The following PTPRN2 variants were observed in gnomAD, a reference collection of about 807,000 sequenced individuals.
PTPRN2 encodes the protein protein tyrosine phosphatase receptor type N2.
Under a neutral mutation model 118.8 loss-of-function variants are expected in PTPRN2, and 74 were observed. The observed-to-expected ratio is 0.62, with a 90% confidence interval of 0.52 to 0.76. The LOEUF (loss-of-function observed/expected upper bound fraction) is 0.76, where lower values mean the gene tolerates loss of function less well. PTPRN2 is among the 30% of genes least tolerant of loss of function. PTPRN2 has a pLI of 0.00. For missense variants in PTPRN2, 1,481 were observed against 1,394.4 expected, an observed-to-expected ratio of 1.06 and a Z score of -0.99; for synonymous variants, 641 against 608.0, an observed-to-expected ratio of 1.05 and a Z score of -0.80.
rs1804945521 is a variant in PTPRN2, at chr7:157,644,816, C to CA, written c.2196+11540dup. Among the ~76,000 whole-genome samples the CA allele has an allele frequency of 1.0e-4, 6 of 58,594 alleles. No individual in the cohort carries two copies. The East Asian group carries it at 2.2e-3, about 22-fold the overall frequency. 38.4% of individuals were successfully genotyped at this position (58,594 alleles called of 152,430 possible). A position where few individuals can be genotyped will look rare whatever the true frequency, so the allele number is the denominator to read the frequency against. On this transcript the variant is annotated intron_variant, in intron 14 of 22. Transcript: ENST00000389418. ...ATCTCAAAAAACAAAAAAAAAAAAA[C>CA]AAAAAACAAAAGAAAACAAAACAAA...
At chr7:157,716,092 C>T (rs573871444) in intron 12 of PTPRN2, among the ~76,000 whole-genome samples, 14 of 152,376 alleles carry the variant, frequency 9.2e-5, no homozygotes, top group South Asian at 6.2e-4. Context: ...CATCAGCTCC[C>T]GGGCCATCCC....
chr7:157,722,423 G>A (rs78023325), intron 12 of PTPRN2, among the ~76,000 whole-genome samples: 5 of 152,214 alleles, frequency 3.3e-5, no homozygotes, highest in Non-Finnish European at 5.9e-5. Context: ...AGGGGCTCTC[G>A]AGGCAGAACC....
chr7:157,983,843 G>A (rs547801423), intron 11 of PTPRN2, among the ~76,000 whole-genome samples: 1 of 152,358 alleles, frequency 6.6e-6, no homozygotes, highest in South Asian at 2.1e-4. Flanking sequence ...CTCAAAAGCT[G>A]TGGGTCTGGC....
chr7:157,934,595 T>G (rs1212173793), intron 11 of PTPRN2, among the ~76,000 whole-genome samples: 1 of 152,222 alleles, frequency 6.6e-6, no homozygotes, highest in Non-Finnish European at 1.5e-5. Context: ...GAATCACATT[T>G]GTTTAATTTC....
At chr7:158,165,303 G>A (rs144192831) in intron 6 of PTPRN2, among the ~76,000 whole-genome samples, 9 of 152,318 alleles carry the variant, frequency 5.9e-5, no homozygotes, top group African/African-American at 9.6e-5. Flanking sequence ...AGGAGACGTC[G>A]TCCCAGAGGG....
At chr7:157,825,700 A>G (rs1807127323) in intron 12 of PTPRN2, among the ~76,000 whole-genome samples, 1 of 152,190 alleles carries the variant, frequency 6.6e-6, no homozygotes, top group African/African-American at 2.4e-5. Context: ...TCACACAGGT[A>G]TCTCTCTCGA....
In PTPRN2 at chr7:158,313,262, C is replaced by T. The variant is rs1029009726; in HGVS notation, c.277+3557G>A. Among the ~76,000 whole-genome samples the T allele has an allele frequency of 5.3e-5, 8 of 152,290 alleles. 1 individual carries two copies. The highest frequency in any genetic ancestry group is 2.0e-4 in the Admixed American group (3 of 15,306). Reference sequence around the variant, plus strand: ...CCAAAGAGGCCTCCTGCCACAGGGTCGTCCTCCTGCCACGGGGTCATCCCC... The same window carrying T: ...CCAAAGAGGCCTCCTGCCACAGGGTTGTCCTCCTGCCACGGGGTCATCCCC... On this transcript the variant is annotated intron_variant, in intron 3 of 22. Transcript: ENST00000389418.
At chr7:158,270,783 A>ACCCCTCCACCTGGACCGC in intron 3 of PTPRN2, among the ~76,000 whole-genome samples, 1 of 51,272 alleles carries the variant, frequency 2.0e-5, no homozygotes, top group East Asian at 5.1e-4. Flanking sequence ...CACCTGGACC[A>ACCCCTCCACCTGGACCGC]CCCCTCCACC....
chr7:157,980,113 C>T (rs1406282928), intron 11 of PTPRN2, among the ~76,000 whole-genome samples: 1 of 152,164 alleles, frequency 6.6e-6, no homozygotes, highest in Non-Finnish European at 1.5e-5. Context: ...ATTTTGATGA[C>T]TTGGTAAAAA....
chr7:157,726,031 T>C lies in PTPRN2; in HGVS notation c.1789-43094A>G, dbSNP rs28810701. 1.5e-3 allele frequency among the ~76,000 whole-genome samples: 106 copies of C among 68,628 alleles called. 1 individual carries two copies. Among genetic ancestry groups the C allele is most frequent in the African/African-American group, 4.1e-3 (51 of 12,552 alleles). 45.0% of individuals were successfully genotyped at this position (68,628 alleles called of 152,430 possible). On this transcript the variant is annotated intron_variant, in intron 12 of 22. Coordinates refer to ENST00000389418, the MANE Select transcript of PTPRN2 (RefSeq NM_002847.5). ...CTGGATATCCACACGCAGAGGAGTG[T>C]GGCCAGACCCTCGCCTCCCAGGAGA...
rs1195604637 is a variant in PTPRN2, at chr7:157,618,736, G to C, written c.2344+2626C>G. The C allele has an allele frequency of 6.6e-6, 1 of 152,254 alleles. No homozygotes were observed. 9.4% of individuals were successfully genotyped at this position (152,254 alleles called of 1,614,324 possible). ...ATGGAGAAGAAAGTAGGTAATACAA[G>C]TTTGCTCAGAATAAACCTATGTGTT... On this transcript the variant is annotated intron_variant, in intron 15 of 22. Coordinates refer to ENST00000389418, the MANE Select transcript of PTPRN2 (RefSeq NM_002847.5). The surrounding 1 kb of genome is among the most constrained non-coding windows in gnomAD (Gnocchi z 4.2).
chr7:158,547,147 CT>C (rs961408644), intron 1 of PTPRN2, among the ~76,000 whole-genome samples: 2 of 152,124 alleles, frequency 1.3e-5, no homozygotes, highest in Non-Finnish European at 1.5e-5. Flanking sequence ...TTTAACTAAA[CT>C]TTTTTTTAAC....
intron 12 of PTPRN2, among the ~76,000 whole-genome samples, chr7:157,702,611 G>A (rs1798135149): frequency 1.3e-5 from 2 of 152,252 alleles, no homozygotes; most frequent in South Asian, 4.1e-4. Flanking sequence ...CTCACCATCA[G>A]GCTTCCAGCA....
intron 12 of PTPRN2, among the ~76,000 whole-genome samples, chr7:157,745,331 C>G (rs1341202886): frequency 1.3e-5 from 2 of 151,990 alleles, no homozygotes; most frequent in Admixed American, 6.6e-5. Context: ...ACTCGTCCAC[C>G]CTCTCACTGT....
chr7:157,771,973 CAT>C (rs1802861810), intron 12 of PTPRN2, among the ~76,000 whole-genome samples: 1 of 151,762 alleles, frequency 6.6e-6, no homozygotes, highest in Admixed American at 6.6e-5. Flanking sequence ...GACACACACA[CAT>C]ACACACGGAC....
intron 3 of PTPRN2, among the ~76,000 whole-genome samples, chr7:158,219,759 T>C (rs546002059): frequency 6.6e-6 from 1 of 152,014 alleles, no homozygotes; most frequent in Middle Eastern, 3.4e-3. Context: ...TTTCCATTTC[T>C]TCTAGAACAC....
intron 11 of PTPRN2, among the ~76,000 whole-genome samples, chr7:158,023,965 G>A (rs562041035): frequency 2.0e-5 from 3 of 152,086 alleles, no homozygotes; most frequent in Non-Finnish European, 2.9e-5. Flanking sequence ...CACACACACA[G>A]GGCCTGGCAC....
At chr7:157,864,628 C>T (rs145718583) in intron 12 of PTPRN2, 93 of 152,470 alleles carry the variant, frequency 6.1e-4, no homozygotes, top group African/African-American at 1.5e-3. Flanking sequence ...TGACTGGCCA[C>T]GGCGGGGCTG....
At chr7:157,604,928 T>C (rs1418415595) in intron 15 of PTPRN2, among the ~76,000 whole-genome samples, 1 of 152,060 alleles carries the variant, frequency 6.6e-6, no homozygotes, top group Non-Finnish European at 1.5e-5. Flanking sequence ...CACAGAGGAG[T>C]GGAAGCCGCA....
Sources: gnomAD v4.1 joint callset for allele counts (sites outside exome capture counted in the v4.1 genomes callset) on GRCh38, gnomAD v4.1.1 for gene constraint, Gnocchi (gnomAD v3.1) non-coding constraint, MANE v1.5 for transcripts, NCBI Gene and HGNC (gene_info 2026-07-23, HGNC 2026-07-21) for gene names.